ARFGEF1: variants seen among roughly 807,000 people sequenced by gnomAD.
ARFGEF1 encodes ARF guanine nucleotide exchange factor 1, also known as brefeldin A-inhibited guanine nucleotide-exchange protein 1.
Under a neutral mutation model 231.0 loss-of-function variants are expected in ARFGEF1, and 42 were observed. The observed-to-expected ratio is 0.18, with a 90% CI of 0.14 to 0.24. ARFGEF1 has a LOEUF of 0.24. Among genes scored for constraint, ARFGEF1 ranks in the 10% least tolerant of loss-of-function variants. ARFGEF1 has a pLI of 1.00. For synonymous variants in ARFGEF1, 710 were observed against 732.3 expected, an observed-to-expected ratio of 0.97 and a Z score of 0.49; for missense variants, 1,345 against 2,192.0, an observed-to-expected ratio of 0.61 and a Z score of 7.72.
chr8:67,202,926 G>T (rs1201848255), intron 36 of ARFGEF1, among the ~76,000 whole-genome samples, 157 bp downstream of exon 36: 11 of 152,048 alleles, frequency 7.2e-5, no homozygotes, highest in African/African-American at 2.7e-4. Context: ...ACCAGAAAAG[G>T]GCCTCGTTGT....
At chr8:67,246,578 G>A (rs571176635) in intron 19 of ARFGEF1, among the ~76,000 whole-genome samples, 5 of 149,514 alleles carry the variant, frequency 3.3e-5, no homozygotes, top group South Asian at 2.1e-4. Flanking sequence ...AAGACACAAC[G>A]TACCCAAACC....
chr8:67,285,562 A>G (rs1805722788), intron 7 of ARFGEF1, among the ~76,000 whole-genome samples: 1 of 152,050 alleles, frequency 6.6e-6, no homozygotes, highest in South Asian at 2.1e-4. Flanking sequence ...TTTTCATATC[A>G]TCTCCAAGTA....
chr8:67,203,192 A>T lies in ARFGEF1; in HGVS notation c.5019T>A (p.Phe1673Leu), dbSNP rs753932107. The change falls in exon 36 of 39, where the codon TTT becomes TTA. Residue 1673 changes from phenylalanine (F) to leucine (L), a missense_variant. Physicochemically the swap from Phe to Leu is conservative, Grantham distance 22. Coordinates refer to ENST00000262215, the MANE Select transcript of ARFGEF1 (RefSeq NM_006421.5). ...GCTTAAAAAGTTGTTGTGATGTTAA[A>T]AAGCGGTACATTCCTTGGTCTTGAG... is the stretch of plus-strand genomic sequence containing the variant. ...VDTQDQGMYR[F>L]LTSQQLFKLL... 6.2e-7 allele frequency: 1 copy of T among 1,614,244 alleles called. No homozygotes were observed. Among genetic ancestry groups the T allele is most frequent in the Non-Finnish European group, 8.5e-7 (1 of 1,180,034 alleles).
rs150999039 is a variant in ARFGEF1 at position 67,234,590 on chromosome 8, G to A, written c.3290-1645C>T. 4.4e-3 allele frequency among the ~76,000 whole-genome samples: 673 copies of A among 152,216 alleles called. 3 individuals are homozygous for A. The highest frequency in any genetic ancestry group is 0.015 in the African/African-American group (641 of 41,532). On this transcript the variant is annotated intron_variant, in intron 22 of 38. Coordinates refer to ENST00000262215, the MANE Select transcript of ARFGEF1 (RefSeq NM_006421.5). Reference sequence around the variant, plus strand: ...CATAATGAAGGATTGGCAGACACCAGGAAGAAGGGAAAAGAACAGCAGTAG... The same window carrying A: ...CATAATGAAGGATTGGCAGACACCAAGAAGAAGGGAAAAGAACAGCAGTAG...
intron 19 of ARFGEF1, 85 bp downstream of exon 19, chr8:67,251,214 G>A: frequency 7.9e-7 from 1 of 1,271,128 alleles, no homozygotes; most frequent in Non-Finnish European, 1.0e-6. Flanking sequence ...TTATATCACT[G>A]TATCGCTTCC....
chr8:67,178,545 AG>A (rs1832234505), intron 5 of ARFGEF1, among the ~76,000 whole-genome samples: 2 of 152,284 alleles, frequency 1.3e-5, no homozygotes, highest in South Asian at 4.1e-4. Context: ...GGTGCTGTGG[AG>A]AAGACAACAG....
At chr8:67,219,594 T>A (rs1371967090) in intron 29 of ARFGEF1, 34 bp from the exon 30 acceptor site, 1 of 1,557,494 alleles carries the variant, frequency 6.4e-7, no homozygotes, top group African/African-American at 1.4e-5. Flanking sequence ...AAAGCTGTAA[T>A]ACAAAAAAGC....
intron 19 of ARFGEF1, among the ~76,000 whole-genome samples, chr8:67,249,661 C>T (rs112056150): frequency 0.032 from 4,415 of 139,974 alleles, 428 homozygotes; most frequent in African/African-American, 0.095. Context: ...CTCACTCTGT[C>T]GCCCAGGCTA....
chr8:67,320,194 A>G lies in ARFGEF1; in HGVS notation c.125-17728T>C, dbSNP rs184912418. On this transcript the variant is annotated intron_variant, in intron 1 of 38. Transcript: ENST00000262215. ...AGCCGAGATCGCACCACTGCACTCC[A>G]GACTGGGTGAAAGAGCAAAACGCTA... Among the ~76,000 whole-genome samples the G allele has an allele frequency of 3.8e-4, 55 of 143,482 alleles. No homozygotes were observed. In the East Asian group the frequency reaches 0.011, roughly 29 times the overall value. The allele number at this position is 143,482 out of a possible 152,430, so 94.1% of individuals were successfully genotyped here. A position where few individuals can be genotyped will look rare whatever the true frequency, so the allele number is the denominator to read the frequency against.
chr8:67,258,813 G>T (rs989419375), intron 15 of ARFGEF1, among the ~76,000 whole-genome samples: 4 of 124,406 alleles, frequency 3.2e-5, no homozygotes, highest in Non-Finnish European at 4.6e-5. Flanking sequence ...TTAAAAAGCA[G>T]ATTTTACACA....
chr8:67,303,951 G>T (rs1806618849), intron 1 of ARFGEF1, among the ~76,000 whole-genome samples: 1 of 152,124 alleles, frequency 6.6e-6, no homozygotes, highest in Admixed American at 6.5e-5. Flanking sequence ...GGAAAATTGA[G>T]GAAGAGAGGT....
Position 67,301,386 on chromosome 8 carries a change from T to A in ARFGEF1, c.156-6A>T. The A allele has an allele frequency of 6.2e-7, 1 of 1,605,734 alleles. No individual in the cohort carries two copies. The highest frequency in any genetic ancestry group is 8.5e-7 in the Non-Finnish European group (1 of 1,177,666). ...TTGCTTCTCCATGAGGAGGACTAAA[T>A]GAGAAAGAAAAGTCTGATTATAGCG... On this transcript the variant is annotated splice_region_variant and splice_polypyrimidine_tract_variant and intron_variant, in intron 2 of 38. Coordinates refer to ENST00000262215, the MANE Select transcript of ARFGEF1 (RefSeq NM_006421.5).
chr8:67,232,724 A>G, intron 23 of ARFGEF1, 131 bp downstream of exon 23: 1 of 676,848 alleles, frequency 1.5e-6, no homozygotes, highest in Non-Finnish European at 2.3e-6. Flanking sequence ...AAATCACAGC[A>G]TATCACAATA....
At chr8:67,236,402 ATATATATATG>A (rs1839769899) in intron 22 of ARFGEF1, among the ~76,000 whole-genome samples, 1 of 109,810 alleles carries the variant, frequency 9.1e-6, no homozygotes, top group Non-Finnish European at 1.8e-5. Flanking sequence ...ATATATATAT[ATATATATATG>A]TATCCACTGT....
At chr8:67,303,733 ATAAT>A (rs1187557187) in intron 1 of ARFGEF1, among the ~76,000 whole-genome samples, 7 of 151,698 alleles carry the variant, frequency 4.6e-5, no homozygotes, top group East Asian at 1.9e-4. Context: ...AAAAAAAATA[ATAAT>A]TAATTAATAT....
chr8:67,239,619 C>T (rs1839869892), intron 20 of ARFGEF1, among the ~76,000 whole-genome samples: 1 of 151,760 alleles, frequency 6.6e-6, no homozygotes, highest in South Asian at 2.1e-4. Flanking sequence ...TCATTTTCTC[C>T]ACAGCTACGC....
intron 1 of ARFGEF1, among the ~76,000 whole-genome samples, chr8:67,331,626 C>A (rs1430244353): frequency 1.3e-5 from 2 of 151,716 alleles, no homozygotes; most frequent in African/African-American, 2.4e-5. Flanking sequence ...ACTCTAATAA[C>A]CCTCAAGAAA....
chr8:67,203,882 T>TC (rs1563834159), intron 35 of ARFGEF1, among the ~76,000 whole-genome samples: 1 of 151,750 alleles, frequency 6.6e-6, no homozygotes, highest in Non-Finnish European at 1.5e-5. Context: ...CCCCCAGCCC[T>TC]CCCCCTGCCG....
rs186114005 is a variant in ARFGEF1 at position 67,239,104 on chromosome 8, T to G, written c.2980-211A>C. On this transcript the variant is annotated intron_variant, in intron 20 of 38. Transcript: ENST00000262215. Reference sequence around the variant, plus strand: ...TCACTGCGACCTCCGCCTCCCAGGTTCACATGATTCTTCTGCCTCAGCCTC... The same window carrying G: ...TCACTGCGACCTCCGCCTCCCAGGTGCACATGATTCTTCTGCCTCAGCCTC... 1.6e-3 allele frequency among the ~76,000 whole-genome samples: 239 copies of G among 152,170 alleles called. 1 individual carries two copies. Among genetic ancestry groups the G allele is most frequent in the Non-Finnish European group, 2.4e-3 (161 of 68,002 alleles).
Sources: gnomAD v4.1 joint callset for allele counts (sites outside exome capture counted in the v4.1 genomes callset) on GRCh38, gnomAD v4.1.1 for gene constraint, MANE v1.5 for transcripts, NCBI Gene and HGNC (gene_info 2026-07-23, HGNC 2026-07-21) for gene names.